The following MDN1 variants were observed in gnomAD, a reference collection of about 807,000 sequenced individuals.
MDN1 encodes the protein midasin.
In MDN1, 266 loss-of-function variants were observed where a neutral mutation model predicts 669.2. That is an observed-to-expected ratio of 0.40 (90% CI 0.36 to 0.44). The LOEUF (loss-of-function observed/expected upper bound fraction) is 0.44, where lower values mean the gene tolerates loss of function less well. Ranked by LOEUF, MDN1 falls within the 20% of genes least tolerant of loss-of-function variation. The pLI is 1.00. For synonymous variants in MDN1, 2,385 were observed against 2,457.1 expected, an observed-to-expected ratio of 0.97 and a Z score of 0.87; for missense variants, 5,940 against 6,754.0, an observed-to-expected ratio of 0.88 and a Z score of 4.22.
intron 71 of MDN1, among the ~76,000 whole-genome samples, chr6:89,684,204 T>G (rs974252994): frequency 6.6e-6 from 1 of 151,966 alleles, no homozygotes; most frequent in African/African-American, 2.4e-5. Context: ...ATAGCCGGGC[T>G]TGGTGGCTTG....
intron 29 of MDN1, among the ~76,000 whole-genome samples, chr6:89,744,055 A>T (rs1455100283): frequency 6.7e-6 from 1 of 149,224 alleles, no homozygotes; most frequent in African/African-American, 2.5e-5. Flanking sequence ...GTGAGCCGAG[A>T]TCACGCCATT....
At chr6:89,723,312 A>G (rs1281578181) in intron 39 of MDN1, among the ~76,000 whole-genome samples, 169 bp from the exon 40 acceptor site, 1 of 152,232 alleles carries the variant, frequency 6.6e-6, no homozygotes, top group African/African-American at 2.4e-5. Flanking sequence ...TCCTCTAAGC[A>G]TTAACACTGG....
At chr6:89,726,821 C>T (rs1406367618) in intron 37 of MDN1, among the ~76,000 whole-genome samples, 1 of 152,072 alleles carries the variant, frequency 6.6e-6, no homozygotes, top group Non-Finnish European at 1.5e-5. Flanking sequence ...TGCAAACAGG[C>T]AAAAATCAGA....
chr6:89,779,235 G>T, intron 11 of MDN1, among the ~76,000 whole-genome samples: 1 of 152,174 alleles, frequency 6.6e-6, no homozygotes, highest in East Asian at 1.9e-4. Flanking sequence ...TTTTAGAGTA[G>T]AAGAGAACAA....
chr6:89,750,122 C>T (rs972748049), intron 24 of MDN1, among the ~76,000 whole-genome samples: 1 of 152,150 alleles, frequency 6.6e-6, no homozygotes, highest in African/African-American at 2.4e-5. Flanking sequence ...GTTCAATTCC[C>T]CTCTTGAAAA....
intron 71 of MDN1, among the ~76,000 whole-genome samples, chr6:89,684,167 AC>A (rs1248867595): frequency 6.6e-6 from 1 of 152,068 alleles, no homozygotes; most frequent in Admixed American, 6.6e-5. Context: ...ACATGGTGAA[AC>A]CCCGTCTCTA....
intron 15 of MDN1, among the ~76,000 whole-genome samples, chr6:89,767,946 G>A (rs1817882610): frequency 6.6e-6 from 1 of 152,078 alleles, no homozygotes; most frequent in African/African-American, 2.4e-5. Context: ...GAGGGCCTAG[G>A]TGGGAGGATA....
chr6:89,655,184 T>C (rs375097540), intron 92 of MDN1, among the ~76,000 whole-genome samples: 2 of 152,100 alleles, frequency 1.3e-5, no homozygotes, highest in East Asian at 1.9e-4. Flanking sequence ...TCCTAAATGG[T>C]AGATTATTCT....
rs189398174 is a variant in MDN1, at chr6:89,764,697, G to C, written c.2145-2167C>G. Among the ~76,000 whole-genome samples the C allele has an allele frequency of 1.4e-3, 214 of 152,362 alleles. 1 individual carries two copies. Among genetic ancestry groups the C allele is most frequent in the Admixed American group, 4.1e-3 (62 of 15,302 alleles). ...CAAGGATGTGAGCTAAGCATTATCT[G>C]TGGGTGCAAGGAGGCCACACAGAAG... On this transcript the variant is annotated intron_variant, in intron 15 of 101. Coordinates refer to ENST00000369393, the MANE Select transcript of MDN1 (RefSeq NM_014611.3).
intron 76 of MDN1, among the ~76,000 whole-genome samples, chr6:89,676,941 A>G (rs1162673630): frequency 6.6e-6 from 1 of 151,888 alleles, no homozygotes; most frequent in Non-Finnish European, 1.5e-5. Flanking sequence ...AGAGCAACTA[A>G]AAATATACCA....
At chr6:89,783,708 G>C (rs750674963) in intron 9 of MDN1, among the ~76,000 whole-genome samples, 4 of 152,036 alleles carry the variant, frequency 2.6e-5, no homozygotes, top group African/African-American at 9.7e-5. Context: ...TGGGCATCAC[G>C]GTCCTACCAA....
chr6:89,688,202 G>T (rs1257097152), intron 66 of MDN1, 29 bp from the exon 67 acceptor site: 1 of 1,574,980 alleles, frequency 6.3e-7, no homozygotes, highest in African/African-American at 1.3e-5. Context: ...GGGTATCTCA[G>T]TAGGAATACC....
intron 11 of MDN1, among the ~76,000 whole-genome samples, chr6:89,779,674 T>C (rs1421009322): frequency 4.6e-5 from 7 of 152,230 alleles, no homozygotes; most frequent in Non-Finnish European, 1.0e-4. Context: ...AAACTATACT[T>C]CTTCTGAAAT....
chr6:89,656,605 T>C, intron 91 of MDN1, 95 bp downstream of exon 91: 1 of 971,622 alleles, frequency 1.0e-6, no homozygotes, highest in Non-Finnish European at 1.5e-6. Context: ...AAACCAGGAG[T>C]ATAGCTTTTT....
intron 1 of MDN1, among the ~76,000 whole-genome samples, chr6:89,810,537 T>A (rs943937261): frequency 4.6e-5 from 7 of 152,216 alleles, no homozygotes; most frequent in Admixed American, 2.0e-4. Context: ...AGCAAGGCCA[T>A]ATTCCTTTGA....
At chr6:89,713,997 C>G (rs1402256705) in intron 46 of MDN1, among the ~76,000 whole-genome samples, 6 of 151,094 alleles carry the variant, frequency 4.0e-5, no homozygotes, top group Non-Finnish European at 7.4e-5. Flanking sequence ...CAAGATCACG[C>G]CACTGCAGTC....
At chr6:89,662,400 C>T (rs900526537) in intron 86 of MDN1, among the ~76,000 whole-genome samples, 161 bp from the exon 87 acceptor site, 3 of 152,188 alleles carry the variant, frequency 2.0e-5, no homozygotes, top group African/African-American at 7.2e-5. Flanking sequence ...TGCAGGTCTC[C>T]ATGACAGCAG....
In MDN1 at chr6:89,658,691, C is replaced by A. The variant is rs1809506720; in HGVS notation, c.14940G>T (p.Gln4980His). Residue 4980 changes from glutamine to histidine, a missense_variant, in exon 89 of 102, where the codon CAG (glutamine) becomes CAT (histidine). Physicochemically the swap from Gln to His is conservative, Grantham distance 24. Coordinates refer to ENST00000369393, the MANE Select transcript of MDN1 (RefSeq NM_014611.3). ...QHPEEHSEEQ[Q>H]QSVEEKDKEA... is the part of the protein sequence containing the mutation. Reference sequence around the variant, plus strand: ...CCTTGTCTTTTTCCTCCACAGACTGCTGCTGCTCCTCAGAGTGTTCTTCAG... The same window carrying A: ...CCTTGTCTTTTTCCTCCACAGACTGATGCTGCTCCTCAGAGTGTTCTTCAG... 1.1e-5 allele frequency: 17 copies of A among 1,614,200 alleles called. No homozygotes were observed. Among genetic ancestry groups the A allele is most frequent in the Non-Finnish European group, 1.4e-5 (17 of 1,180,008 alleles).
At chr6:89,715,417 C>T (rs1814286617) in intron 45 of MDN1, among the ~76,000 whole-genome samples, 2 of 152,184 alleles carry the variant, frequency 1.3e-5, no homozygotes, top group South Asian at 4.1e-4. Context: ...TTCCCACCTT[C>T]GTCACCAATG....
Sources: gnomAD v4.1 joint callset for allele counts (sites outside exome capture counted in the v4.1 genomes callset) on GRCh38, gnomAD v4.1.1 for gene constraint, MANE v1.5 for transcripts, NCBI Gene and HGNC (gene_info 2026-07-23, HGNC 2026-07-21) for gene names.